DDX10: variants seen among roughly 807,000 people sequenced by gnomAD.
The protein encoded by DDX10 is probable ATP-dependent RNA helicase DDX10.
DDX10 carries 74 observed loss-of-function variants against 104.3 expected under a neutral mutation model. That is an observed-to-expected ratio of 0.71 (90% CI 0.59 to 0.86). DDX10 has a LOEUF of 0.86. Among genes scored for constraint, DDX10 ranks in the 40% least tolerant of loss-of-function variants. The pLI is 0.00. For synonymous variants in DDX10, 351 were observed against 353.4 expected (o/e 0.99, Z 0.08); for missense variants, 952 against 1,040.0 (o/e 0.92, Z 1.16).
chr11:108,750,731 A>G (rs2094337440), intron 13 of DDX10, among the ~76,000 whole-genome samples: 1 of 151,002 alleles, frequency 6.6e-6, no homozygotes, highest in Non-Finnish European at 1.5e-5. Flanking sequence ...TGAATTTCAT[A>G]TATATTTTAT....
chr11:108,893,766 G>T (rs996829670), intron 16 of DDX10, among the ~76,000 whole-genome samples: 1 of 151,986 alleles, frequency 6.6e-6, no homozygotes, highest in Non-Finnish European at 1.5e-5. Context: ...CAGTCCCACC[G>T]GGGGAGCATT....
intron 16 of DDX10, among the ~76,000 whole-genome samples, chr11:108,882,226 A>G (rs1863236434): frequency 6.6e-6 from 1 of 152,234 alleles, no homozygotes; most frequent in Non-Finnish European, 1.5e-5. Context: ...TTCCTATACC[A>G]TAAAACCTAC....
chr11:108,766,397 G>A (rs1428909986), intron 13 of DDX10, among the ~76,000 whole-genome samples: 1 of 152,138 alleles, frequency 6.6e-6, no homozygotes, highest in Non-Finnish European at 1.5e-5. Flanking sequence ...CTTCACTCAA[G>A]TACATACCTA....
chr11:108,912,839 A>T (rs1863697857), intron 16 of DDX10, among the ~76,000 whole-genome samples: 1 of 152,158 alleles, frequency 6.6e-6, no homozygotes, highest in Non-Finnish European at 1.5e-5. Context: ...ATGAGTGACT[A>T]TTCCTCTACC....
chr11:108,876,452 G>A (rs553477911), intron 16 of DDX10, among the ~76,000 whole-genome samples: 2 of 152,264 alleles, frequency 1.3e-5, no homozygotes, highest in East Asian at 3.9e-4. Flanking sequence ...GGCCTTTGGA[G>A]CCATGAGGTA....
At chr11:108,926,509 T>A (rs1296215434) in intron 17 of DDX10, among the ~76,000 whole-genome samples, 1 of 152,194 alleles carries the variant, frequency 6.6e-6, no homozygotes, top group Non-Finnish European at 1.5e-5. Flanking sequence ...AGTTTTTTCC[T>A]CTCCTTTTGC....
chr11:108,876,645 G>A (rs1863157514), intron 16 of DDX10, among the ~76,000 whole-genome samples: 1 of 152,124 alleles, frequency 6.6e-6, no homozygotes, highest in South Asian at 2.1e-4. Flanking sequence ...TTTGTAAAGT[G>A]GAGCTATATT....
rs565527114 is a variant in DDX10 at position 108,755,716 on chromosome 11, G to A, written c.1965+32254G>A. On this transcript the variant is annotated intron_variant, in intron 13 of 17. Coordinates refer to ENST00000322536, the MANE Select transcript of DDX10 (RefSeq NM_004398.4). ...ACAATATAGTGAAATGGTTCACAACGTTGGCTCTGGAGTAAAACTTAGAGT... is the reference window on the plus strand; with the variant it reads ...ACAATATAGTGAAATGGTTCACAACATTGGCTCTGGAGTAAAACTTAGAGT... Among the ~76,000 whole-genome samples, 4 of 152,094 alleles carry A rather than the reference G, an allele frequency of 2.6e-5. No individual in the cohort carries two copies. In the East Asian group the frequency reaches 7.7e-4, roughly 29 times the overall value.
At chr11:108,705,300 TC>T (rs1487963684) in intron 9 of DDX10, among the ~76,000 whole-genome samples, 1 of 152,232 alleles carries the variant, frequency 6.6e-6, no homozygotes, top group Non-Finnish European at 1.5e-5. Context: ...GCTAATGACT[TC>T]CGGCTGCATG....
At chr11:108,691,152 A>C (rs2094251963) in intron 7 of DDX10, among the ~76,000 whole-genome samples, 1 of 152,236 alleles carries the variant, frequency 6.6e-6, no homozygotes, top group South Asian at 2.1e-4. Flanking sequence ...TACTGTCAGC[A>C]AAATTGAAGA....
intron 15 of DDX10, among the ~76,000 whole-genome samples, chr11:108,844,334 T>G (rs1862683091): frequency 6.6e-6 from 1 of 152,190 alleles, no homozygotes; most frequent in East Asian, 1.9e-4. Flanking sequence ...ACCTGACACA[T>G]GATTGATTTT....
intron 13 of DDX10, among the ~76,000 whole-genome samples, chr11:108,740,379 G>T (rs1685297171): frequency 6.6e-6 from 1 of 152,088 alleles, no homozygotes; most frequent in South Asian, 2.1e-4. Flanking sequence ...TCTTTATCCA[G>T]TCTGCCATTG....
At chr11:108,711,357 G>C (rs535446918) in intron 10 of DDX10, among the ~76,000 whole-genome samples, 50 of 152,340 alleles carry the variant, frequency 3.3e-4, no homozygotes, top group Middle Eastern at 3.4e-3. Flanking sequence ...TGTTATGACA[G>C]AGTTTTGATC....
chr11:108,912,196 G>A (rs528226260), intron 16 of DDX10, among the ~76,000 whole-genome samples: 33 of 152,112 alleles, frequency 2.2e-4, no homozygotes, highest in African/African-American at 5.3e-4. Flanking sequence ...GGCTTCTCAC[G>A]TGGTGGAAGG....
intron 14 of DDX10, among the ~76,000 whole-genome samples, chr11:108,840,273 G>T (rs1428963834): frequency 6.6e-6 from 1 of 152,178 alleles, no homozygotes; most frequent in Non-Finnish European, 1.5e-5. Flanking sequence ...TTGAAGAATG[G>T]TTATGGTGGC....
intron 16 of DDX10, among the ~76,000 whole-genome samples, chr11:108,910,001 ACAGAATTGGAGTGAT>A (rs1282109965): frequency 1.3e-5 from 2 of 152,106 alleles, no homozygotes; most frequent in Non-Finnish European, 1.5e-5. Context: ...TAATTACAAC[ACAGAATTGGAGTGAT>A]CAGAATTGGG....
intron 15 of DDX10, among the ~76,000 whole-genome samples, chr11:108,850,792 G>T (rs1300464949): frequency 6.6e-6 from 1 of 152,158 alleles, no homozygotes. Context: ...AGATTTGAGA[G>T]AGTGAGGACT....
intron 11 of DDX10, among the ~76,000 whole-genome samples, chr11:108,718,190 A>G (rs2094293928): frequency 6.6e-6 from 1 of 152,126 alleles, no homozygotes; most frequent in African/African-American, 2.4e-5. Context: ...TGTCTAGAGT[A>G]ACATAGTTAT....
At chr11:108,819,818 C>T (rs752998815) in intron 13 of DDX10, among the ~76,000 whole-genome samples, 15 of 152,158 alleles carry the variant, frequency 9.9e-5, no homozygotes, top group South Asian at 2.1e-4. Context: ...AGGCTGGTCT[C>T]GAACTCCTGA....
Sources: allele counts gnomAD v4.1 joint callset (sites outside exome capture counted in the v4.1 genomes callset), GRCh38; gene constraint gnomAD v4.1.1; transcripts MANE v1.5; gene names NCBI Gene and HGNC (gene_info 2026-07-23, HGNC 2026-07-21).